HMMR: variants seen among roughly 807,000 people sequenced by gnomAD.
The protein encoded by HMMR is intracellular hyaluronic acid-binding protein.
Under a neutral mutation model 101.0 loss-of-function variants are expected in HMMR, and 108 were observed. The observed-to-expected ratio is 1.07, with a 90% CI of 0.92 to 1.25. The LOEUF (loss-of-function observed/expected upper bound fraction) is 1.25. HMMR is among the 50% of genes most tolerant of loss of function. HMMR has a pLI of 0.00. For missense variants in HMMR, 813 were observed against 788.7 expected (o/e 1.03, Z -0.37); for synonymous variants, 296 against 276.4 (o/e 1.07, Z -0.70).
At chr5:163,476,826 G>A (rs547657195) in intron 11 of HMMR, among the ~76,000 whole-genome samples, 24 of 152,224 alleles carry the variant, frequency 1.6e-4, no homozygotes, top group African/African-American at 5.3e-4. Flanking sequence ...TCAGGAGTTC[G>A]AGACCAGCCT....
intron 1 of HMMR, 87 bp downstream of exon 1, chr5:163,460,825 G>T (rs1758497606): frequency 2.6e-6 from 3 of 1,162,418 alleles, no homozygotes; most frequent in Non-Finnish European, 3.8e-6. Flanking sequence ...GCAAGCAGGA[G>T]GCGATTTTAG....
At chr5:163,464,232 A>C (rs1373761254) in intron 2 of HMMR, among the ~76,000 whole-genome samples, 1 of 152,176 alleles carries the variant, frequency 6.6e-6, no homozygotes, top group Non-Finnish European at 1.5e-5. Context: ...GAAAATCAGA[A>C]AGGTGTTAGA....
chr5:163,487,069 A>T (rs963979003), intron 16 of HMMR, among the ~76,000 whole-genome samples: 5 of 152,224 alleles, frequency 3.3e-5, no homozygotes, highest in Non-Finnish European at 7.3e-5. Flanking sequence ...TCTAAAAAAA[A>T]CAAAGATGTC....
At position 163,464,788 on chromosome 5, in the gene HMMR, T is replaced by C. The variant is rs1313198461; in HGVS notation, c.211T>C (p.Ser71Pro). The C allele has an allele frequency of 6.2e-7, 1 of 1,609,944 alleles. No homozygotes were observed. The highest frequency in any genetic ancestry group is 8.5e-7 in the Non-Finnish European group (1 of 1,176,434). The change falls in exon 3 of 18, where the codon TCT becomes CCT. Residue 71 changes from serine (S) to proline (P), a missense_variant. By Grantham distance (74) the Ser-to-Pro change is moderately conservative (BLOSUM62 -1). Coordinates refer to ENST00000393915, the MANE Select transcript of HMMR (RefSeq NM_001142556.2). Reference protein sequence around the residue: ...TLPASARKVKSSESKKESQKN... With the variant: ...TLPASARKVKPSESKKESQKN... ...GCCTGCTTCAGCTAGAAAAGTTAAG[T>C]CTTCGGAATCAAAGGTGAGGAGCTT... is the stretch of plus-strand genomic sequence containing the variant.
intron 11 of HMMR, among the ~76,000 whole-genome samples, chr5:163,477,338 T>G (rs1179070826): frequency 1.3e-5 from 2 of 152,184 alleles, no homozygotes; most frequent in East Asian, 3.9e-4. Flanking sequence ...TTAAAACACT[T>G]GTTGTCAAAG....
intron 16 of HMMR, among the ~76,000 whole-genome samples, chr5:163,490,035 C>T (rs1204981470): frequency 1.3e-5 from 2 of 152,176 alleles, no homozygotes; most frequent in African/African-American, 4.8e-5. Context: ...TTTTCAGAGG[C>T]TTTAACTGGT....
intron 5 of HMMR, among the ~76,000 whole-genome samples, chr5:163,470,574 G>A (rs967903642): frequency 1.3e-5 from 2 of 152,306 alleles, no homozygotes; most frequent in South Asian, 4.1e-4. Context: ...AGAATAGCTT[G>A]AACTCGGGAG....
intron 5 of HMMR, among the ~76,000 whole-genome samples, chr5:163,470,124 C>T (rs1380132654): frequency 1.3e-5 from 2 of 151,964 alleles, no homozygotes; most frequent in African/African-American, 2.4e-5. Context: ...GCTGACATGG[C>T]GCCATTGCAC....
At chr5:163,481,004 G>A (rs969548937) in intron 12 of HMMR, among the ~76,000 whole-genome samples, 3 of 151,844 alleles carry the variant, frequency 2.0e-5, no homozygotes, top group African/African-American at 7.3e-5. Flanking sequence ...CTATCTCAAG[G>A]TGTAAAGATA....
At chr5:163,470,103 G>T (rs1432767005) in intron 5 of HMMR, among the ~76,000 whole-genome samples, 1 of 152,104 alleles carries the variant, frequency 6.6e-6, no homozygotes, top group Non-Finnish European at 1.5e-5. Flanking sequence ...AGGAGGTGGA[G>T]GTTGCAGTGA....
intron 4 of HMMR, among the ~76,000 whole-genome samples, chr5:163,469,250 G>A (rs1435639677): frequency 6.6e-6 from 1 of 151,850 alleles, no homozygotes; most frequent in Non-Finnish European, 1.5e-5. Context: ...GGTAGTCCCA[G>A]CTATTCGGGA....
intron 16 of HMMR, among the ~76,000 whole-genome samples, chr5:163,488,004 C>T (rs997631476): frequency 9.2e-5 from 14 of 151,984 alleles, no homozygotes; most frequent in African/African-American, 1.7e-4. Context: ...TACAGGCGTG[C>T]GCCACCACAT....
At position 163,460,721 on chromosome 5, in the gene HMMR, G is replaced by T. The variant is rs1274759342; in HGVS notation, c.29G>T (p.Arg10Leu). 6.2e-7 allele frequency: 1 copy of T among 1,608,478 alleles called. No homozygotes were observed. The highest frequency in any genetic ancestry group is 8.5e-7 in the Non-Finnish European group (1 of 1,177,424). The change falls in exon 1 of 18, where the codon CGA becomes CTA. Residue 10 changes from arginine (R) to leucine (L), a missense_variant. Coordinates refer to ENST00000393915, the MANE Select transcript of HMMR (RefSeq NM_001142556.2). MSFPKAPLK[R>L]FNDPSGCAPS... is the part of the protein sequence containing the mutation. Reference sequence around the variant, plus strand: ...TCCTTTCCTAAGGCGCCCTTGAAACGATTCAATGACCCTTCTGGTGCGTAA... The same window carrying T: ...TCCTTTCCTAAGGCGCCCTTGAAACTATTCAATGACCCTTCTGGTGCGTAA...
Position 163,483,128 on chromosome 5 carries a change from A to AAGT in HMMR, c.1641_1642insAGT (p.Gln547_Gln548insSer). On this transcript the variant is annotated inframe_insertion, in exon 14 of 18. Transcript: ENST00000393915. ...CTGATTTGCAGAACCAACTCAAGCA[A>AAGT]CAGGAGGAAGACTTTAGAAAACAGC... 6.2e-7 allele frequency: 1 copy of AAGT among 1,612,732 alleles called. No individual in the cohort carries two copies. The highest frequency in any genetic ancestry group is 8.5e-7 in the Non-Finnish European group (1 of 1,179,560).
chr5:163,469,775 A>G lies in HMMR; in HGVS notation c.408A>G (p.Thr136=). 6.2e-7 allele frequency: 1 copy of G among 1,612,418 alleles called. No individual in the cohort carries two copies. Among genetic ancestry groups the G allele is most frequent in the African/African-American group, 1.3e-5 (1 of 75,030 alleles). Residue 136 remains threonine (T), a synonymous_variant, in exon 5 of 18, where the codon ACA becomes ACG. Transcript: ENST00000393915. Reference sequence around the variant, plus strand: ...CATCTCTCTCTGCAAATAATGCTACACTGGAAAAACAACTTATTGAATTGA... The same window carrying G: ...CATCTCTCTCTGCAAATAATGCTACGCTGGAAAAACAACTTATTGAATTGA... ...EKTSLSANNA[T]LEKQLIELTR...
chr5:163,490,653 C>A, intron 17 of HMMR, 101 bp downstream of exon 17: 1 of 853,724 alleles, frequency 1.2e-6, no homozygotes, highest in Non-Finnish European at 1.9e-6. Flanking sequence ...AATTTGTTGA[C>A]ACCTTCTGAT....
intron 10 of HMMR, 27 bp downstream of exon 10, chr5:163,474,232 C>T: frequency 6.4e-7 from 1 of 1,569,204 alleles, no homozygotes; most frequent in South Asian, 1.1e-5. Context: ...TTTTTTTAAA[C>T]TGTTCATTTT....
intron 12 of HMMR, among the ~76,000 whole-genome samples, chr5:163,481,697 C>G (rs1759271910): frequency 6.6e-6 from 1 of 152,100 alleles, no homozygotes; most frequent in African/African-American, 2.4e-5. Context: ...CCCCAATATT[C>G]AGTCTATCTC....
intron 16 of HMMR, among the ~76,000 whole-genome samples, chr5:163,488,147 C>T (rs746022737): frequency 1.3e-5 from 2 of 152,162 alleles, no homozygotes; most frequent in Non-Finnish European, 2.9e-5. Flanking sequence ...AGCCACTGCA[C>T]CTGGCCAAGA....
Sources: gnomAD v4.1 joint callset for allele counts (sites outside exome capture counted in the v4.1 genomes callset) on GRCh38, gnomAD v4.1.1 for gene constraint, MANE v1.5 for transcripts, NCBI Gene and HGNC (gene_info 2026-07-23, HGNC 2026-07-21) for gene names.